CD36: variants seen among roughly 807,000 people sequenced by gnomAD.
CD36 encodes platelet glycoprotein 4.
CD36 carries 119 observed loss-of-function variants against 55.2 expected under a neutral mutation model. The ratio of observed to expected loss-of-function variants is 2.15; its 90% CI spans 1.86 to 2.51. The LOEUF (loss-of-function observed/expected upper bound fraction) is 2.51, where lower values mean the gene tolerates loss of function less well. Ranked by LOEUF, CD36 falls within the 30% of genes most tolerant of loss-of-function variation. The pLI is 0.00. For synonymous variants in CD36, 186 were observed against 193.6 expected (o/e 0.96, Z 0.33); for missense variants, 819 against 555.5 (o/e 1.47, Z -4.77).
At chr7:80,652,235 T>TTTCTTCTATAAGAAACTAGTA (rs1249147977) in intron 3 of CD36, among the ~76,000 whole-genome samples, 5 of 152,216 alleles carry the variant, frequency 3.3e-5, no homozygotes, top group African/African-American at 1.2e-4. Context: ...CAAGCATATA[T>TTTCTTCTATAAGAAACTAGTA]GTTTCTTCTA....
In CD36 at chr7:80,674,446, T is replaced by TAGTTATATATTATCTTATAG. The variant is rs1798067198; in HGVS notation, c.*301_*302insTTATATATTATCTTATAGAG. ...TTGACTGGTTCATTTCTCAATTATA[T>TAGTTATATATTATCTTATAG]AGCTAGTTATATATTATCTGATACT... On this transcript the variant is annotated intron_variant, in intron 14 of 14. Transcript: ENST00000447544. 57 of 335,166 alleles carry TAGTTATATATTATCTTATAG rather than the reference T, an allele frequency of 1.7e-4. No individual in the cohort carries two copies. In the East Asian group the frequency reaches 4.1e-3, roughly 24 times the overall value. 20.8% of individuals were successfully genotyped at this position (335,166 alleles called of 1,614,324 possible).
At chr7:80,629,181 T>C (rs28645928) in intron 1 of CD36, among the ~76,000 whole-genome samples, 50,108 of 151,804 alleles carry the variant, frequency 0.33, 8,545 homozygotes, top group South Asian at 0.45. Flanking sequence ...TGGATCAGAT[T>C]GCTGGCTCTT....
intron 7 of CD36, among the ~76,000 whole-genome samples, chr7:80,664,862 A>C (rs1796896023): frequency 6.8e-6 from 1 of 147,104 alleles, no homozygotes; most frequent in Admixed American, 6.8e-5. Context: ...TAAAAAAAAA[A>C]AAAACAACAC....
chr7:80,665,024 A>T (rs533412864), intron 7 of CD36, among the ~76,000 whole-genome samples: 32 of 152,220 alleles, frequency 2.1e-4, no homozygotes, highest in African/African-American at 7.7e-4. Flanking sequence ...TCCCCCTGCA[A>T]ATAGTCTTTA....
intron 11 of CD36, 80 bp from the exon 12 acceptor site, chr7:80,672,690 T>A: frequency 4.2e-6 from 4 of 947,958 alleles, no homozygotes; most frequent in Non-Finnish European, 6.7e-6. Context: ...CCTTCTCTTC[T>A]GCTGTAAGAA....
chr7:80,647,830 G>A (rs946542314), intron 3 of CD36, among the ~76,000 whole-genome samples: 5 of 152,114 alleles, frequency 3.3e-5, no homozygotes, highest in African/African-American at 9.7e-5. Flanking sequence ...CAAATAAAAC[G>A]AGTTCTGCCT....
intron 4 of CD36, among the ~76,000 whole-genome samples, chr7:80,660,676 C>T (rs1436639694): frequency 6.6e-6 from 1 of 152,170 alleles, no homozygotes; most frequent in African/African-American, 2.4e-5. Context: ...ATGCATGCTA[C>T]CATCTGCCGT....
chr7:80,663,011 A>G lies in CD36; in HGVS notation c.451A>G (p.Asn151Asp). The part of the protein sequence containing the change: ...AVAAASHIYQ[N>D]QFVQMILNSL... ...GTAGGCTGCATCCCATATCTATCAA[A>G]ATCAATTTGTTCAAATGATCCTCAA... Residue 151 changes from asparagine to aspartate, a missense_variant, in exon 6 of 15, where the codon AAT becomes GAT. Coordinates refer to ENST00000447544, the MANE Select transcript of CD36 (RefSeq NM_001001548.3). 6.2e-7 allele frequency: 1 copy of G among 1,613,170 alleles called. No homozygotes were observed. Among genetic ancestry groups the G allele is most frequent in the East Asian group, 2.2e-5 (1 of 44,738 alleles).
intron 1 of CD36, among the ~76,000 whole-genome samples, chr7:80,626,758 G>T (rs1793764533): frequency 6.6e-6 from 1 of 152,024 alleles, no homozygotes; most frequent in Non-Finnish European, 1.5e-5. Flanking sequence ...TTGTGGGAAA[G>T]ACATTAGGGA....
chr7:80,626,811 C>T (rs953733225), intron 1 of CD36, among the ~76,000 whole-genome samples: 5 of 152,002 alleles, frequency 3.3e-5, no homozygotes, highest in Non-Finnish European at 7.4e-5. Flanking sequence ...CCCTGTAGTA[C>T]ATTTACAAAA....
At chr7:80,603,942 A>T (rs1209175244) in intron 1 of CD36, among the ~76,000 whole-genome samples, 1 of 152,162 alleles carries the variant, frequency 6.6e-6, no homozygotes, top group Non-Finnish European at 1.5e-5. Flanking sequence ...GATTAAGATG[A>T]CTACTTAAGG....
At chr7:80,673,835 C>A in intron 13 of CD36, 148 bp from the exon 14 acceptor site, 1 of 689,622 alleles carries the variant, frequency 1.5e-6, no homozygotes, top group Non-Finnish European at 2.6e-6. Flanking sequence ...CCTTTCTTGA[C>A]TTGCAAAAGG....
chr7:80,626,981 G>T (rs1793778881), intron 1 of CD36, among the ~76,000 whole-genome samples: 1 of 151,818 alleles, frequency 6.6e-6, no homozygotes, highest in African/African-American at 2.4e-5. Context: ...CCAACTTTTT[G>T]TTTTTATCAC....
At chr7:80,655,169 G>A in intron 3 of CD36, among the ~76,000 whole-genome samples, 1 of 152,124 alleles carries the variant, frequency 6.6e-6, no homozygotes, top group East Asian at 1.9e-4. Context: ...TGAAATAGTT[G>A]TATTCCTCTT....
intron 8 of CD36, among the ~76,000 whole-genome samples, chr7:80,669,712 G>A (rs1386761674): frequency 2.0e-5 from 3 of 152,070 alleles, no homozygotes; most frequent in African/African-American, 4.8e-5. Context: ...GGCCAGGCTG[G>A]TCTCAAACCC....
intron 1 of CD36, among the ~76,000 whole-genome samples, chr7:80,607,926 T>A (rs1792658402): frequency 1.3e-5 from 2 of 152,018 alleles, no homozygotes; most frequent in African/African-American, 4.8e-5. Flanking sequence ...GCCTGCTGCC[T>A]CGCCCAGCTA....
intron 3 of CD36, among the ~76,000 whole-genome samples, chr7:80,647,572 A>G (rs1430995884): frequency 1.3e-5 from 2 of 152,194 alleles, no homozygotes; most frequent in African/African-American, 4.8e-5. Context: ...TATTCGAATT[A>G]GCTACACACT....
Position 80,615,167 on chromosome 7 carries a change from G to A in CD36, c.-184+12788G>A, listed in dbSNP as rs79571188. On this transcript the variant is annotated intron_variant, in intron 1 of 13. Coordinates refer to the CD36 transcript ENST00000309881. ...CAGGCTGAATACAAGTTTTAGTTCA[G>A]GGCCTTGTGTCTTTCCCGCATTCAT... 1.6e-4 allele frequency among the ~76,000 whole-genome samples: 24 copies of A among 152,206 alleles called. No individual in the cohort carries two copies. The East Asian group carries it at 4.4e-3, about 28-fold the overall frequency.
chr7:80,614,438 G>A (rs1793035354), intron 1 of CD36, among the ~76,000 whole-genome samples: 1 of 152,074 alleles, frequency 6.6e-6, no homozygotes, highest in South Asian at 2.1e-4. Context: ...TCACTAAAAA[G>A]CAGGTTTATA....
Sources: gnomAD v4.1 joint callset for allele counts (sites outside exome capture counted in the v4.1 genomes callset) on GRCh38, gnomAD v4.1.1 for gene constraint, MANE v1.5 for transcripts, NCBI Gene and HGNC (gene_info 2026-07-23, HGNC 2026-07-21) for gene names.